Variants in ZNF107 observed in about 807,000 individuals in gnomAD.
ZNF107 encodes zinc finger protein 107.
In ZNF107, 19 loss-of-function variants were observed where a neutral mutation model predicts 12.3. The observed-to-expected ratio is 1.55, with a 90% CI of 1.08 to 2.27. The LOEUF (loss-of-function observed/expected upper bound fraction) is 2.27. Among genes scored for constraint, ZNF107 ranks in the 30% most tolerant of loss-of-function variants. The probability of loss-of-function intolerance (pLI) is 0.00; values close to 1 mark genes in which losing one functional copy is unlikely to be tolerated. For synonymous variants in ZNF107, 317 were observed against 330.5 expected, an observed-to-expected ratio of 0.96 and a Z score of 0.44; for missense variants, 958 against 979.9, an observed-to-expected ratio of 0.98 and a Z score of 0.30.
rs576011903 is a variant in ZNF107, at chr7:64,705,801, A to G, written c.227-523A>G. Among the ~76,000 whole-genome samples the G allele has an allele frequency of 6.6e-5, 10 of 150,504 alleles. No homozygotes were observed. In the South Asian group the frequency reaches 2.1e-3, roughly 31 times the overall value. On this transcript the variant is annotated intron_variant, in intron 3 of 3. Coordinates refer to ENST00000620827, the MANE Select transcript of ZNF107 (RefSeq NM_001282359.2). ...CTGTCTGTAGTACTGCAGTCTCTTC[A>G]CTGCTGTAACATTTACCTTTGATCT...
Position 64,708,722 on chromosome 7 carries a change from T to A in ZNF107, c.*66T>A. The A allele has an allele frequency of 6.8e-7, 1 of 1,475,864 alleles. No homozygotes were observed. Among genetic ancestry groups the A allele is most frequent in the Non-Finnish European group, 9.2e-7 (1 of 1,092,620 alleles). 91.4% of individuals were successfully genotyped at this position (1,475,864 alleles called of 1,614,324 possible). On this transcript the variant is annotated 3_prime_UTR_variant, in exon 4 of 4. Coordinates refer to ENST00000620827, the MANE Select transcript of ZNF107 (RefSeq NM_001282359.2). ...GGAGAGAAACTACAAATGTGAAGAA[T>A]GTGTTAAAGCCTTTAACAAGTCTTC...
chr7:64,696,868 G>A (rs565488790), intron 3 of ZNF107, among the ~76,000 whole-genome samples: 1 of 151,816 alleles, frequency 6.6e-6, no homozygotes, highest in Non-Finnish European at 1.5e-5. Flanking sequence ...TGCACAACAT[G>A]CAGGTTTGTT....
In ZNF107 at chr7:64,691,895, C is replaced by T; in HGVS notation, c.161C>T (p.Thr54Ile). ...GIAVSKPYLI[T>I]CLEQKKEPWN... is the part of the protein sequence containing the mutation. ...GCTGTCTCTAAGCCATATCTGATCA[C>T]CTGTCTGGAGCAAAAAAAAGAGCCC... Residue 54 changes from threonine to isoleucine, a missense_variant, in exon 3 of 4, where the codon ACC (threonine) becomes ATC (isoleucine). Physicochemically the swap from Thr to Ile is moderately conservative, Grantham distance 89. Coordinates refer to ENST00000620827, the MANE Select transcript of ZNF107 (RefSeq NM_001282359.2). 1 of 1,509,194 alleles carries T rather than the reference C, an allele frequency of 6.6e-7. No individual in the cohort carries two copies. Among genetic ancestry groups the T allele is most frequent in the Non-Finnish European group, 8.8e-7 (1 of 1,136,136 alleles). 93.5% of individuals were successfully genotyped at this position (1,509,194 alleles called of 1,614,324 possible).
intron 1 of ZNF107, chr7:64,669,051 T>A (rs1246592268): frequency 8.1e-6 from 1 of 122,744 alleles, no homozygotes; most frequent in Non-Finnish European, 1.6e-5. Flanking sequence ...AGTCTCGCTC[T>A]GTTGCTCAGG....
intron 1 of ZNF107, among the ~76,000 whole-genome samples, chr7:64,683,440 C>T (rs1020044874): frequency 2.0e-5 from 3 of 152,224 alleles, no homozygotes; most frequent in Non-Finnish European, 2.9e-5. Flanking sequence ...TGTCTGCAGA[C>T]GTTCCAGTCT....
chr7:64,699,080 T>C (rs1790386712), intron 3 of ZNF107, among the ~76,000 whole-genome samples: 1 of 152,186 alleles, frequency 6.6e-6, no homozygotes, highest in South Asian at 2.1e-4. Flanking sequence ...TTATTATAGC[T>C]TTTAATTGTT....
Position 64,709,672 on chromosome 7 carries a change from A to G in ZNF107, c.*1016A>G, listed in dbSNP as rs1326650164. On this transcript the variant is annotated 3_prime_UTR_variant, in exon 4 of 4. Coordinates refer to ENST00000620827, the MANE Select transcript of ZNF107 (RefSeq NM_001282359.2). Reference sequence around the variant, plus strand: ...ATGCTCACCCCTTATTGCACAGGAAAGCATTTATACTTCAGAAAGATTGTA... The same window carrying G: ...ATGCTCACCCCTTATTGCACAGGAAGGCATTTATACTTCAGAAAGATTGTA... 1 of 453,788 alleles carries G rather than the reference A, an allele frequency of 2.2e-6. No individual in the cohort carries two copies. Among genetic ancestry groups the G allele is most frequent in the African/African-American group, 2.0e-5 (1 of 49,936 alleles). The allele number at this position is 453,788 out of a possible 1,614,324, so 28.1% of individuals were successfully genotyped here.
At chr7:64,699,564 A>T (rs1429722027) in intron 3 of ZNF107, among the ~76,000 whole-genome samples, 1 of 152,114 alleles carries the variant, frequency 6.6e-6, no homozygotes, top group Non-Finnish European at 1.5e-5. Flanking sequence ...AGCTAGGACT[A>T]CAGACATACT....
At chr7:64,689,069 G>A (rs1790026763) in intron 1 of ZNF107, among the ~76,000 whole-genome samples, 1 of 152,048 alleles carries the variant, frequency 6.6e-6, no homozygotes, top group Non-Finnish European at 1.5e-5. Context: ...CCCAATCTTG[G>A]CTCAAATAAA....
chr7:64,669,798 A>G (rs892611852), intron 1 of ZNF107, among the ~76,000 whole-genome samples: 5 of 152,196 alleles, frequency 3.3e-5, no homozygotes, highest in African/African-American at 1.2e-4. Context: ...AAAAAAAAAG[A>G]AAAAATAATT....
At position 64,666,195 on chromosome 7, in the gene ZNF107, T is replaced by C; in HGVS notation, c.-88T>C. The C allele has an allele frequency of 1.3e-6, 2 of 1,548,150 alleles. No individual in the cohort carries two copies. The highest frequency in any genetic ancestry group is 8.9e-7 in the Non-Finnish European group (1 of 1,128,934). ...CTCCTCACTGCTCAGTGTCCTCTGCTCCTAGAGGCCCAGCCTCTGTGTCCC... is the reference window on the plus strand; with the variant it reads ...CTCCTCACTGCTCAGTGTCCTCTGCCCCTAGAGGCCCAGCCTCTGTGTCCC... On this transcript the variant is annotated 5_prime_UTR_variant, in exon 1 of 4. Coordinates refer to ENST00000620827, the MANE Select transcript of ZNF107 (RefSeq NM_001282359.2).
At chr7:64,705,384 AGTT>A (rs1370298918) in intron 3 of ZNF107, among the ~76,000 whole-genome samples, 1 of 151,532 alleles carries the variant, frequency 6.6e-6, no homozygotes, top group African/African-American at 2.4e-5. Flanking sequence ...GATTTTCAAT[AGTT>A]GTTTGTGTTC....
intron 1 of ZNF107, among the ~76,000 whole-genome samples, chr7:64,686,022 A>G (rs1789893250): frequency 1.3e-5 from 2 of 152,142 alleles, no homozygotes; most frequent in Non-Finnish European, 1.5e-5. Context: ...CAGACAGCCT[A>G]CAAGACATAG....
At chr7:64,667,912 C>G (rs999998677) in intron 1 of ZNF107, among the ~76,000 whole-genome samples, 2 of 147,166 alleles carry the variant, frequency 1.4e-5, no homozygotes, top group South Asian at 2.1e-4. Context: ...CCCCTGGATT[C>G]TCTAAGATTT....
chr7:64,702,000 G>A (rs1034258746), intron 3 of ZNF107, among the ~76,000 whole-genome samples: 5 of 151,944 alleles, frequency 3.3e-5, no homozygotes, highest in Non-Finnish European at 7.4e-5. Context: ...TGTGTTTCCT[G>A]TAGATGTTTT....
intron 1 of ZNF107, among the ~76,000 whole-genome samples, chr7:64,671,252 C>A (rs539283238): frequency 6.6e-6 from 1 of 152,178 alleles, no homozygotes; most frequent in South Asian, 2.1e-4. Context: ...TGATTATAGA[C>A]CCCCTTTTCT....
At chr7:64,704,286 G>A (rs886168195) in intron 3 of ZNF107, among the ~76,000 whole-genome samples, 6 of 151,936 alleles carry the variant, frequency 3.9e-5, no homozygotes, top group South Asian at 2.1e-4. Flanking sequence ...TCACTCTGTC[G>A]CCAGGCTAGA....
At chr7:64,690,978 G>C (rs1790097614) in intron 1 of ZNF107, among the ~76,000 whole-genome samples, 1 of 151,984 alleles carries the variant, frequency 6.6e-6, no homozygotes, top group African/African-American at 2.4e-5. Context: ...TCAACCTCAG[G>C]TGATCCGCCT....
chr7:64,699,066 T>C (rs934505469), intron 3 of ZNF107, among the ~76,000 whole-genome samples: 1 of 152,110 alleles, frequency 6.6e-6, no homozygotes, highest in Admixed American at 6.5e-5. Flanking sequence ...CCACATTGTT[T>C]TTGTTATTAT....
Sources: allele counts gnomAD v4.1 joint callset (sites outside exome capture counted in the v4.1 genomes callset), GRCh38; gene constraint gnomAD v4.1.1; transcripts MANE v1.5; gene names NCBI Gene and HGNC (gene_info 2026-07-23, HGNC 2026-07-21).